SEMA5A: variants seen among roughly 807,000 people sequenced by gnomAD.
The protein encoded by SEMA5A is semaphorin-5A.
SEMA5A carries 55 observed loss-of-function variants against 135.5 expected under a neutral mutation model. That is an observed-to-expected ratio of 0.41 (90% CI 0.33 to 0.51). The LOEUF (loss-of-function observed/expected upper bound fraction) is 0.51. Ranked by LOEUF, SEMA5A falls within the 20% of genes least tolerant of loss-of-function variation. The probability of loss-of-function intolerance (pLI) is 0.37; values close to 1 mark genes in which losing one functional copy is unlikely to be tolerated. For synonymous variants in SEMA5A, 580 were observed against 546.5 expected, an observed-to-expected ratio of 1.06 and a Z score of -0.85; for missense variants, 1,290 against 1,419.9, an observed-to-expected ratio of 0.91 and a Z score of 1.47.
chr5:9,408,452 A>G (rs902375723), intron 2 of SEMA5A, among the ~76,000 whole-genome samples: 1 of 152,208 alleles, frequency 6.6e-6, no homozygotes, highest in Non-Finnish European at 1.5e-5. Context: ...CAACTTATTA[A>G]GTCAAACTTG....
intron 2 of SEMA5A, among the ~76,000 whole-genome samples, chr5:9,413,999 T>C (rs1757196492): frequency 6.6e-6 from 1 of 152,144 alleles, no homozygotes; most frequent in Non-Finnish European, 1.5e-5. Context: ...AACAGAACAT[T>C]TCCTAACTTT....
intron 5 of SEMA5A, among the ~76,000 whole-genome samples, chr5:9,307,390 A>C (rs1175153276): frequency 6.6e-6 from 1 of 152,182 alleles, no homozygotes; most frequent in Non-Finnish European, 1.5e-5. Flanking sequence ...TGTGACAGTT[A>C]TCAATAAATT....
rs1040768378 is a variant in SEMA5A at position 9,375,275 on chromosome 5, C to T, written c.124+4548G>A. On this transcript the variant is annotated intron_variant, in intron 3 of 22. Coordinates refer to ENST00000382496, the MANE Select transcript of SEMA5A (RefSeq NM_003966.3). ...AATGTGACCGTATTTGGAAACGGCA[C>T]CTTTGCAGACAAATTGTTTAAGATG... Among the ~76,000 whole-genome samples the T allele has an allele frequency of 3.9e-5, 6 of 152,172 alleles. No individual in the cohort carries two copies. In the South Asian group the frequency reaches 1.0e-3, roughly 26 times the overall value.
At chr5:9,529,906 T>C (rs149007575) in intron 1 of SEMA5A, among the ~76,000 whole-genome samples, 15 of 152,342 alleles carry the variant, frequency 9.8e-5, no homozygotes, top group Non-Finnish European at 1.5e-4. Context: ...CCTTGTATCA[T>C]TGGACCTGTA....
chr5:9,513,068 A>ATAAT (rs1554044104), intron 1 of SEMA5A, among the ~76,000 whole-genome samples: 7 of 143,718 alleles, frequency 4.9e-5, no homozygotes, highest in African/African-American at 1.0e-4. Context: ...ATATATATAT[A>ATAAT]ATATATATAT....
At chr5:9,250,086 T>C (rs1202827891) in intron 5 of SEMA5A, among the ~76,000 whole-genome samples, 1 of 152,174 alleles carries the variant, frequency 6.6e-6, no homozygotes, top group African/African-American at 2.4e-5. Flanking sequence ...AAGACTTCTC[T>C]GTGGGTATAA....
chr5:9,063,168 T>C, intron 17 of SEMA5A, 63 bp from the exon 18 acceptor site: 2 of 1,457,768 alleles, frequency 1.4e-6, no homozygotes, highest in South Asian at 2.4e-5. Flanking sequence ...CAGTCCATGC[T>C]GACTTTCATT....
intron 3 of SEMA5A, among the ~76,000 whole-genome samples, chr5:9,366,782 C>A (rs1198212250): frequency 6.6e-6 from 1 of 152,202 alleles, no homozygotes; most frequent in Admixed American, 6.5e-5. Context: ...CCCTTATGTT[C>A]CCTTATTTCC....
intron 6 of SEMA5A, among the ~76,000 whole-genome samples, chr5:9,237,547 G>A (rs770970499): frequency 4.7e-4 from 72 of 152,132 alleles, no homozygotes; most frequent in African/African-American, 1.5e-3. Flanking sequence ...TTTTTCCAGC[G>A]CTATCAATCA....
At chr5:9,401,099 C>A (rs1756640365) in intron 2 of SEMA5A, among the ~76,000 whole-genome samples, 1 of 152,058 alleles carries the variant, frequency 6.6e-6, no homozygotes, top group African/African-American at 2.4e-5. Flanking sequence ...AATTTCCATT[C>A]TTTTCCCAGA....
intron 13 of SEMA5A, among the ~76,000 whole-genome samples, chr5:9,124,417 A>G (rs150053599): frequency 6.6e-6 from 1 of 152,258 alleles, no homozygotes; most frequent in Non-Finnish European, 1.5e-5. Flanking sequence ...CTCTCCTCAG[A>G]AAGGCAATGG....
At chr5:9,526,677 G>A (rs2126883467) in intron 1 of SEMA5A, among the ~76,000 whole-genome samples, 1 of 152,306 alleles carries the variant, frequency 6.6e-6, no homozygotes, top group South Asian at 2.1e-4. Flanking sequence ...GGCTTCAGCT[G>A]TACATTCACG....
chr5:9,154,061 AAATAT>A (rs1449961139), intron 12 of SEMA5A, among the ~76,000 whole-genome samples: 552 of 46,812 alleles, frequency 0.012, 24 homozygotes, highest in Middle Eastern at 0.029. Flanking sequence ...AAAAAAAAAA[AAATAT>A]ATATATATAT....
chr5:9,180,689 A>G (rs1744458841), intron 11 of SEMA5A, among the ~76,000 whole-genome samples: 1 of 152,142 alleles, frequency 6.6e-6, no homozygotes, highest in African/African-American at 2.4e-5. Flanking sequence ...AGTCTTATGT[A>G]TGTTGGACAA....
chr5:9,150,805 G>A (rs569830183), intron 12 of SEMA5A, among the ~76,000 whole-genome samples: 1 of 152,298 alleles, frequency 6.6e-6, no homozygotes, highest in African/African-American at 2.4e-5. Flanking sequence ...AGAGGCTAAC[G>A]GGAAGGGGGT....
intron 3 of SEMA5A, among the ~76,000 whole-genome samples, chr5:9,343,434 C>T (rs535837960): frequency 1.3e-5 from 2 of 149,076 alleles, no homozygotes; most frequent in East Asian, 1.9e-4. Flanking sequence ...TTCACCTCCT[C>T]AAGATGGGAA....
In SEMA5A at chr5:9,125,561, G is replaced by T. The variant is rs1467653460; in HGVS notation, c.1600-2724C>A. 2.6e-5 allele frequency among the ~76,000 whole-genome samples: 4 copies of T among 151,830 alleles called. No individual in the cohort carries two copies. The South Asian group carries it at 6.2e-4, about 24-fold the overall frequency. On this transcript the variant is annotated intron_variant, in intron 13 of 22. Coordinates refer to ENST00000382496, the MANE Select transcript of SEMA5A (RefSeq NM_003966.3). ...CTCCCTGTGCCCATGTGTTCTCATT[G>T]TTCAACTCCCATTTATGAGTGAGAA...
intron 2 of SEMA5A, among the ~76,000 whole-genome samples, chr5:9,425,608 T>C (rs997129744): frequency 2.0e-5 from 3 of 152,210 alleles, no homozygotes; most frequent in Non-Finnish European, 4.4e-5. Context: ...TAAGGGATTT[T>C]TGTTTGAAAT....
chr5:9,137,912 C>T (rs191256021), intron 12 of SEMA5A, among the ~76,000 whole-genome samples: 51 of 152,146 alleles, frequency 3.4e-4, no homozygotes, highest in Admixed American at 2.9e-3. Context: ...AATACAGTAC[C>T]TCAATTAGGC....
Sources: allele counts gnomAD v4.1 joint callset (sites outside exome capture counted in the v4.1 genomes callset), GRCh38; gene constraint gnomAD v4.1.1; transcripts MANE v1.5; gene names NCBI Gene and HGNC (gene_info 2026-07-23, HGNC 2026-07-21).